The following SLC41A3 variants were observed in gnomAD, a reference collection of about 807,000 sequenced individuals.
SLC41A3 encodes SLC41A1-like 2.
Under a neutral mutation model 45.4 loss-of-function variants are expected in SLC41A3, and 44 were observed. That is an observed-to-expected ratio of 0.97 (90% CI 0.76 to 1.25). The LOEUF is 1.25. SLC41A3 is among the 50% of genes most tolerant of loss of function. SLC41A3 has a pLI of 0.00. For synonymous variants in SLC41A3, 256 were observed against 252.4 expected, an observed-to-expected ratio of 1.01 and a Z score of -0.13; for missense variants, 550 against 600.6, an observed-to-expected ratio of 0.92 and a Z score of 0.88.
Position 126,010,709 on chromosome 3 carries a change from G to A in SLC41A3, c.1106-1829C>T, listed in dbSNP as rs1939619644. On this transcript the variant is annotated intron_variant, in intron 9 of 10. Coordinates refer to ENST00000360370, the MANE Select transcript of SLC41A3 (RefSeq NM_017836.4). The stretch of plus-strand genomic sequence containing the variant: ...TTCATCTCTACCCAGTGCTAATGGG[G>A]CCCCCACCTTGTCAGTGAAGCCATG... 2.0e-5 allele frequency among the ~76,000 whole-genome samples: 3 copies of A among 152,186 alleles called. No individual in the cohort carries two copies. In the South Asian group the frequency reaches 6.2e-4, roughly 32 times the overall value.
upstream of SLC41A3, among the ~76,000 whole-genome samples, chr3:126,089,197 A>G (rs1945445968): frequency 6.6e-6 from 1 of 152,166 alleles, no homozygotes; most frequent in African/African-American, 2.4e-5. Context: ...TGCCCCTCCC[A>G]CAGAATCATA....
At chr3:126,067,043 T>C (rs1187789836) in intron 2 of SLC41A3, among the ~76,000 whole-genome samples, 1 of 151,492 alleles carries the variant, frequency 6.6e-6, no homozygotes, top group Non-Finnish European at 1.5e-5. Flanking sequence ...TCAATGTGTG[T>C]CAATGTACAT....
At chr3:126,036,497 C>A (rs143796625) in intron 3 of SLC41A3, among the ~76,000 whole-genome samples, 20 of 152,198 alleles carry the variant, frequency 1.3e-4, no homozygotes, top group Admixed American at 2.6e-4. Flanking sequence ...TACAGCTACA[C>A]GCACAGCCCC....
intron 2 of SLC41A3, among the ~76,000 whole-genome samples, chr3:126,051,476 T>C (rs75058312): frequency 0.23 from 34,427 of 152,188 alleles, 4,403 homozygotes; most frequent in Non-Finnish European, 0.28. Flanking sequence ...ACACAGGCCA[T>C]GCAGGCCCTG....
intron 2 of SLC41A3, among the ~76,000 whole-genome samples, chr3:126,062,618 A>G (rs1263780831): frequency 1.3e-5 from 2 of 152,254 alleles, no homozygotes; most frequent in Admixed American, 1.3e-4. Context: ...ATGTGGTGCG[A>G]GGCCTGGCAC....
intron 1 of SLC41A3, among the ~76,000 whole-genome samples, chr3:126,071,529 C>T (rs1944615889): frequency 6.6e-6 from 1 of 152,186 alleles, no homozygotes. Flanking sequence ...ACTTCAACAA[C>T]ATTATAAACC....
chr3:126,018,924 G>C (rs1203088902), intron 6 of SLC41A3, among the ~76,000 whole-genome samples: 2 of 152,212 alleles, frequency 1.3e-5, no homozygotes, highest in Non-Finnish European at 2.9e-5. Context: ...CTCTGTAAAA[G>C]GATTTTTGAC....
intron 8 of SLC41A3, among the ~76,000 whole-genome samples, chr3:126,013,686 G>A (rs1939960493): frequency 1.3e-5 from 2 of 152,172 alleles, no homozygotes; most frequent in African/African-American, 2.4e-5. Flanking sequence ...TGGTCTGAGA[G>A]CGTTGAAGAA....
chr3:126,030,228 T>C (rs1429801409), intron 4 of SLC41A3, among the ~76,000 whole-genome samples: 1 of 143,686 alleles, frequency 7.0e-6, no homozygotes, highest in Non-Finnish European at 1.5e-5. Flanking sequence ...TTAAACAATA[T>C]ATATTAAGTT....
chr3:126,021,116 G>C (rs553378947), intron 6 of SLC41A3, among the ~76,000 whole-genome samples: 1 of 152,268 alleles, frequency 6.6e-6, no homozygotes, highest in African/African-American at 2.4e-5. Flanking sequence ...GGATGGTCTT[G>C]ATCTCCTGAC....
intron 1 of SLC41A3, among the ~76,000 whole-genome samples, chr3:126,093,456 C>G (rs566563471): frequency 6.6e-6 from 1 of 152,232 alleles, no homozygotes; most frequent in African/African-American, 2.4e-5. Context: ...CTTTCCCCTA[C>G]CACAGCCGGT....
At chr3:126,065,932 A>G (rs1360156239) in intron 2 of SLC41A3, among the ~76,000 whole-genome samples, 1 of 152,196 alleles carries the variant, frequency 6.6e-6, no homozygotes, top group Non-Finnish European at 1.5e-5. Context: ...CACTCATAAT[A>G]AGGAGCACAG....
rs150528029 is a variant in SLC41A3, at chr3:126,062,593, G to A, written c.273+5354C>T. ...ACAAAGGCACTCACAATGAGAGAGG[G>A]GGCCATCACCCTACATGTGGTGCGA... On this transcript the variant is annotated intron_variant, in intron 2 of 10. Coordinates refer to ENST00000360370, the MANE Select transcript of SLC41A3 (RefSeq NM_017836.4). Among the ~76,000 whole-genome samples, 306 of 152,308 alleles carry A rather than the reference G, an allele frequency of 2.0e-3. 5 individuals carry two copies. The highest frequency in any genetic ancestry group is 0.017 in the Admixed American group (253 of 15,304).
intron 8 of SLC41A3, 50 bp downstream of exon 8, chr3:126,015,444 T>C: frequency 6.3e-7 from 1 of 1,597,900 alleles, no homozygotes; most frequent in Non-Finnish European, 8.6e-7. Context: ...AACCCAATCC[T>C]GTGGGCCTAC....
intron 9 of SLC41A3, among the ~76,000 whole-genome samples, chr3:126,011,141 T>G (rs1370449326): frequency 6.6e-6 from 1 of 152,014 alleles, no homozygotes; most frequent in African/African-American, 2.4e-5. Context: ...ATGAAGCCAC[T>G]ACAACAATCC....
At chr3:126,008,692 T>C (rs1939388785) in intron 10 of SLC41A3, 40 bp downstream of exon 10, 1 of 1,604,122 alleles carries the variant, frequency 6.2e-7, no homozygotes, top group Non-Finnish European at 8.5e-7. Flanking sequence ...GCTGGCTGAC[T>C]ACACAGCTGC....
intron 3 of SLC41A3, among the ~76,000 whole-genome samples, chr3:126,039,021 A>C (rs1405640053): frequency 6.6e-6 from 1 of 152,116 alleles, no homozygotes. Flanking sequence ...TCCGTCTCTC[A>C]CCATGTGACA....
At chr3:126,056,349 A>G (rs1943656958) in intron 2 of SLC41A3, 3 of 1,613,190 alleles carry the variant, frequency 1.9e-6, no homozygotes, top group African/African-American at 1.3e-5. Context: ...CCAAACACCC[A>G]GTACGCACTT....
chr3:126,038,473 G>C (rs1467908628), intron 3 of SLC41A3, among the ~76,000 whole-genome samples: 1 of 152,238 alleles, frequency 6.6e-6, no homozygotes, highest in Non-Finnish European at 1.5e-5. Context: ...CTGAACGCAG[G>C]ACATGGAGTC....
Sources: allele counts gnomAD v4.1 joint callset (sites outside exome capture counted in the v4.1 genomes callset), GRCh38; gene constraint gnomAD v4.1.1; transcripts MANE v1.5; gene names NCBI Gene and HGNC (gene_info 2026-07-23, HGNC 2026-07-21).